ZSCAN1: variants seen among roughly 807,000 people sequenced by gnomAD.
ZSCAN1 encodes the protein zinc finger and SCAN domain containing 1, also known as zinc finger and SCAN domain-containing protein 1.
ZSCAN1 carries 23 observed loss-of-function variants against 23.8 expected under a neutral mutation model. The observed-to-expected ratio is 0.97, with a 90% CI of 0.70 to 1.37. The LOEUF (loss-of-function observed/expected upper bound fraction) is 1.37. Ranked by LOEUF, ZSCAN1 falls within the 40% of genes most tolerant of loss-of-function variation. The probability of loss-of-function intolerance (pLI) is 0.00; values close to 1 mark genes in which losing one functional copy is unlikely to be tolerated. For missense variants in ZSCAN1, 575 were observed against 554.0 expected, an observed-to-expected ratio of 1.04 and a Z score of -0.38; for synonymous variants, 236 against 232.3, an observed-to-expected ratio of 1.02 and a Z score of -0.15.
chr19:58,050,901 C>G (rs1245565970), intron 4 of ZSCAN1, among the ~76,000 whole-genome samples: 1 of 152,082 alleles, frequency 6.6e-6, no homozygotes, highest in Non-Finnish European at 1.5e-5. Flanking sequence ...CCTCCCGCCT[C>G]CAATCTCCCC....
Position 58,040,483 on chromosome 19 carries a change from A to G in ZSCAN1, c.404A>G (p.Asp135Gly), listed in dbSNP as rs757474735. 6.2e-7 allele frequency: 1 copy of G among 1,613,558 alleles called. No individual in the cohort carries two copies. Among genetic ancestry groups the G allele is most frequent in the Non-Finnish European group, 8.5e-7 (1 of 1,179,966 alleles). ...LVSLDSVEPQ[D>G]WSFGEEEDGK... ...TCTCTGGACTCGGTCGAACCCCAGG[A>G]CTGGAGTTTCGGTGAGGAGGAAGAT... Residue 135 changes from aspartate to glycine, a missense_variant, in exon 4 of 6, where the codon GAC becomes GGC. Coordinates refer to ENST00000282326, the MANE Select transcript of ZSCAN1 (RefSeq NM_182572.4). The surrounding 1 kb of genome is among the most constrained non-coding windows in gnomAD (Gnocchi z 5.8).
At chr19:58,043,240 G>C (rs1237953790) in intron 4 of ZSCAN1, among the ~76,000 whole-genome samples, 2 of 152,246 alleles carry the variant, frequency 1.3e-5, no homozygotes, top group African/African-American at 4.8e-5. Context: ...GAAGCCTTTT[G>C]AGAAATGCTT....
At chr19:58,046,343 G>T in intron 4 of ZSCAN1, 6 of 924,676 alleles carry the variant, frequency 6.5e-6, no homozygotes, top group East Asian at 2.4e-5. Flanking sequence ...TCAAAGACTG[G>T]TGAAGAAAAA....
chr19:58,035,339 C>T (rs57218266), intron 1 of ZSCAN1: 2,542 of 152,904 alleles, frequency 0.017, 77 homozygotes, highest in African/African-American at 0.057. Context: ...TCCACATCAG[C>T]CCCCATATAG....
intron 3 of ZSCAN1, 124 bp downstream of exon 3, chr19:58,038,330 C>A: frequency 1.6e-6 from 2 of 1,234,334 alleles, no homozygotes; most frequent in Non-Finnish European, 2.2e-6. Flanking sequence ...ACCAGCAAAC[C>A]TCTCCTGCCC....
rs1568606794 is a variant in ZSCAN1, at chr19:58,053,718, G to A, written c.894G>A (p.Gly298=). The change falls in exon 6 of 6, where the codon GGG becomes GGA. Residue 298 remains glycine, a synonymous_variant. Transcript: ENST00000282326. The surrounding 1 kb of genome is among the most constrained non-coding windows in gnomAD (Gnocchi z 5.8). ...GGRPFQCADC[G]MVFTWVTHFI... ...GGCCCTTCCAGTGTGCCGACTGTGG[G>A]ATGGTCTTCACCTGGGTCACCCACT... 6.2e-7 allele frequency: 1 copy of A among 1,614,122 alleles called. No homozygotes were observed. Among genetic ancestry groups the A allele is most frequent in the Non-Finnish European group, 8.5e-7 (1 of 1,180,020 alleles).
At chr19:58,044,484 G>T in intron 4 of ZSCAN1, 1 of 377,984 alleles carries the variant, frequency 2.6e-6, no homozygotes, top group Non-Finnish European at 4.7e-6. Flanking sequence ...CCGTCCGCAC[G>T]GACGGCGCCT....
At position 58,045,357 on chromosome 19, in the gene ZSCAN1, G is replaced by A. The variant is rs2073818412; in HGVS notation, c.465+4813G>A. 2 of 817,232 alleles carry A rather than the reference G, an allele frequency of 2.4e-6. No homozygotes were observed. The highest frequency in any genetic ancestry group is 3.4e-5 in the Admixed American group (2 of 58,886). 50.6% of individuals were successfully genotyped at this position (817,232 alleles called of 1,614,324 possible). A position where few individuals can be genotyped will look rare whatever the true frequency, so the allele number is the denominator to read the frequency against. On this transcript the variant is annotated intron_variant, in intron 4 of 5. Coordinates refer to ENST00000282326, the MANE Select transcript of ZSCAN1 (RefSeq NM_182572.4). This position sits in a 1 kb window ranked among gnomAD's most constrained non-coding sequence, Gnocchi z 4.3. ...GCTGAAGGAGCTTCAGGTCAAGCTG[G>A]AGCTAGCCGAGTTCCTCCAGGACAC...
intron 3 of ZSCAN1, chr19:58,038,425 A>C (rs1389340290): frequency 3.1e-6 from 2 of 638,546 alleles, no homozygotes; most frequent in Non-Finnish European, 2.7e-6. Context: ...CGGTGATTAA[A>C]GATCCCTCCA....
At chr19:58,038,673 CTG>C (rs1226632631) in intron 3 of ZSCAN1, among the ~76,000 whole-genome samples, 3 of 152,234 alleles carry the variant, frequency 2.0e-5, no homozygotes, top group Non-Finnish European at 4.4e-5. Context: ...GGGGTTGAAA[CTG>C]GGCTCCCTCC....
Position 58,038,216 on chromosome 19 carries a change from G to A in ZSCAN1, c.370+10G>A, listed in dbSNP as rs749879977. Reference sequence around the variant, plus strand: ...ATGTGCCAGCAGGAAGGTGAGAGGCGCAGGCTTCCTGCCCCGGGCCGGGCC... The same window carrying A: ...ATGTGCCAGCAGGAAGGTGAGAGGCACAGGCTTCCTGCCCCGGGCCGGGCC... On this transcript the variant is annotated intron_variant, in intron 3 of 5. Coordinates refer to ENST00000282326, the MANE Select transcript of ZSCAN1 (RefSeq NM_182572.4). 6 of 1,598,882 alleles carry A rather than the reference G, an allele frequency of 3.8e-6. No individual in the cohort carries two copies. The highest frequency in any genetic ancestry group is 1.7e-5 in the Admixed American group (1 of 58,754).
Position 58,054,194 on chromosome 19 carries a change from A to T in ZSCAN1, c.*143A>T, listed in dbSNP as rs1279076265. The stretch of plus-strand genomic sequence containing the variant: ...TTGAAGGACACAAGCTGTTTCTCGG[A>T]AGACCCTGGACACCTGCTCCGAAGC... On this transcript the variant is annotated 3_prime_UTR_variant, in exon 6 of 6. Coordinates refer to ENST00000282326, the MANE Select transcript of ZSCAN1 (RefSeq NM_182572.4). This position sits in a 1 kb window ranked among gnomAD's most constrained non-coding sequence, Gnocchi z 4.2. 1 of 1,178,718 alleles carries T rather than the reference A, an allele frequency of 8.5e-7. No homozygotes were observed. Among genetic ancestry groups the T allele is most frequent in the East Asian group, 2.6e-5 (1 of 38,384 alleles). 73.0% of individuals were successfully genotyped at this position (1,178,718 alleles called of 1,614,324 possible). A position where few individuals can be genotyped will look rare whatever the true frequency, so the allele number is the denominator to read the frequency against.
intron 3 of ZSCAN1, 29 bp downstream of exon 3, chr19:58,038,235 C>T (rs1467515815): frequency 2.5e-6 from 4 of 1,579,600 alleles, no homozygotes; most frequent in Non-Finnish European, 3.4e-6. Flanking sequence ...CTGCCCCGGG[C>T]CGGGCCAGGG....
intron 4 of ZSCAN1, among the ~76,000 whole-genome samples, chr19:58,051,583 G>A (rs533804422): frequency 2.3e-4 from 35 of 151,862 alleles, no homozygotes; most frequent in Middle Eastern, 3.4e-3. Context: ...AGGTAGGGTT[G>A]GGGCAGCAGA....
intron 4 of ZSCAN1, among the ~76,000 whole-genome samples, chr19:58,041,768 C>G (rs2073791098): frequency 6.6e-6 from 1 of 152,074 alleles, no homozygotes; most frequent in South Asian, 2.1e-4. Context: ...CTTAGCAACT[C>G]TGGAGGCTGA....
chr19:58,047,089 G>T lies in ZSCAN1; in HGVS notation c.466-5401G>T, dbSNP rs895403942. On this transcript the variant is annotated intron_variant, in intron 4 of 5. Coordinates refer to ENST00000282326, the MANE Select transcript of ZSCAN1 (RefSeq NM_182572.4). This position sits in a 1 kb window ranked among gnomAD's most constrained non-coding sequence, Gnocchi z 4.9. ...TCACGTCTCAGTGTCTGACTGTGCT[G>T]CCCTGTGCCCAGGGAGGAGAATGAG... is the stretch of plus-strand genomic sequence containing the variant. Among the ~76,000 whole-genome samples the T allele has an allele frequency of 6.6e-6, 1 of 152,194 alleles. No homozygotes were observed. The highest frequency in any genetic ancestry group is 1.5e-5 in the Non-Finnish European group (1 of 68,050).
At chr19:58,039,658 C>A (rs547387938) in intron 3 of ZSCAN1, among the ~76,000 whole-genome samples, 11 of 151,688 alleles carry the variant, frequency 7.3e-5, no homozygotes, top group Admixed American at 2.6e-4. Flanking sequence ...TATATCCCAG[C>A]TACTCAGGAA....
chr19:58,040,688 C>T lies in ZSCAN1; in HGVS notation c.465+144C>T. 1.3e-6 allele frequency: 1 copy of T among 743,932 alleles called. No individual in the cohort carries two copies. Among genetic ancestry groups the T allele is most frequent in the Admixed American group, 2.5e-5 (1 of 40,666 alleles). 46.1% of individuals were successfully genotyped at this position (743,932 alleles called of 1,614,324 possible). ...GAAGCCCGGCCTCCAAACTCCCCGC[C>T]TGCCCCACAGATTCCCCAAGCTTCC... On this transcript the variant is annotated intron_variant, in intron 4 of 5. Coordinates refer to ENST00000282326, the MANE Select transcript of ZSCAN1 (RefSeq NM_182572.4). The surrounding 1 kb of genome is among the most constrained non-coding windows in gnomAD (Gnocchi z 5.8).
Position 58,040,168 on chromosome 19 carries a change from T to TA in ZSCAN1, c.371-281dup, listed in dbSNP as rs1001953248. ...CTCACAGTGCTCGGGCCTCCCTAGT[T>TA]AGTCAGTGCTGCAGTGTGTGTCCTC... On this transcript the variant is annotated intron_variant, in intron 3 of 5. Transcript: ENST00000282326. This position sits in a 1 kb window ranked among gnomAD's most constrained non-coding sequence, Gnocchi z 5.8. Among the ~76,000 whole-genome samples, 170 of 152,262 alleles carry TA rather than the reference T, an allele frequency of 1.1e-3. 1 individual carries two copies. Among genetic ancestry groups the TA allele is most frequent in the African/African-American group, 3.8e-3 (156 of 41,568 alleles).
Sources: allele counts gnomAD v4.1 joint callset (sites outside exome capture counted in the v4.1 genomes callset), GRCh38; gene constraint gnomAD v4.1.1; non-coding constraint Gnocchi (gnomAD v3.1); transcripts MANE v1.5; gene names NCBI Gene and HGNC (gene_info 2026-07-23, HGNC 2026-07-21).